The following PKIB variants were observed in gnomAD, a reference collection of about 807,000 sequenced individuals.
PKIB encodes the protein PKI-beta.
A neutral mutation model predicts 4.5 loss-of-function variants in PKIB; 2 were observed. The ratio of observed to expected loss-of-function variants is 0.44; its 90% CI spans 0.18 to 1.39. The LOEUF is 1.39. Among genes scored for constraint, PKIB ranks in the 40% most tolerant of loss-of-function variants. PKIB has a pLI of 0.27. For missense variants in PKIB, 94 were observed against 92.6 expected (o/e 1.02, Z -0.06); for synonymous variants, 38 against 36.0 (o/e 1.06, Z -0.20).
Position 122,677,258 on chromosome 6 carries a change from C to G in PKIB, c.-9+2114C>G, listed in dbSNP as rs183325642. ...GTAAAAAATACACATTTCTAGGGCT[C>G]TATCTTGGAGCTCCTGATTTAGCAG... On this transcript the variant is annotated intron_variant, in intron 3 of 4. Transcript: ENST00000368452. Among the ~76,000 whole-genome samples, 134 of 152,286 alleles carry G rather than the reference C, an allele frequency of 8.8e-4. No individual in the cohort carries two copies. The East Asian group carries it at 0.022, about 25-fold the overall frequency.
At chr6:122,532,684 C>T (rs1399283755) in intron 2 of PKIB, among the ~76,000 whole-genome samples, 3 of 152,136 alleles carry the variant, frequency 2.0e-5, no homozygotes, top group Admixed American at 6.5e-5. Context: ...CATGCTGTAG[C>T]GTGTGTTAAT....
At chr6:122,664,932 A>C (rs1290177050) in intron 2 of PKIB, among the ~76,000 whole-genome samples, 1 of 152,214 alleles carries the variant, frequency 6.6e-6, no homozygotes, top group Non-Finnish European at 1.5e-5. Flanking sequence ...TTTAAAATTC[A>C]AATTTGGACT....
chr6:122,696,659 T>C (rs1023870316), intron 3 of PKIB, among the ~76,000 whole-genome samples: 23 of 152,100 alleles, frequency 1.5e-4, no homozygotes, highest in African/African-American at 5.6e-4. Flanking sequence ...ATGGAGGGCA[T>C]AGAATGATTT....
chr6:122,588,136 C>G (rs1009715633), intron 3 of PKIB, among the ~76,000 whole-genome samples: 5 of 152,084 alleles, frequency 3.3e-5, no homozygotes, highest in Non-Finnish European at 1.5e-5. Flanking sequence ...AGGTTTTCTT[C>G]TATGGTTTTT....
At chr6:122,714,629 C>A (rs895683703) in intron 3 of PKIB, among the ~76,000 whole-genome samples, 1 of 152,076 alleles carries the variant, frequency 6.6e-6, no homozygotes, top group Non-Finnish European at 1.5e-5. Context: ...CTCCAAGGGC[C>A]ACTTTTTAGA....
rs1490060132 is a variant in PKIB at position 122,625,286 on chromosome 6, T to G, written c.-160-7997T>G. On this transcript the variant is annotated intron_variant, in intron 1 of 4. Transcript: ENST00000368452. ...TTCATTCTTCACCTGCTGAGGCTTT[T>G]AGTACTTGAATAAAAAATTTCAGAT... is the stretch of plus-strand genomic sequence containing the variant. 4.6e-5 allele frequency among the ~76,000 whole-genome samples: 7 copies of G among 152,328 alleles called. No homozygotes were observed. The East Asian group carries it at 1.3e-3, about 29-fold the overall frequency.
intron 2 of PKIB, among the ~76,000 whole-genome samples, chr6:122,584,253 A>G (rs1216759162): frequency 2.0e-5 from 3 of 152,152 alleles, no homozygotes; most frequent in Non-Finnish European, 4.4e-5. Flanking sequence ...TTATTGCTAC[A>G]TATTTCACCA....
intron 4 of PKIB, among the ~76,000 whole-genome samples, chr6:122,720,437 A>G (rs540178273): frequency 6.6e-6 from 1 of 152,306 alleles, no homozygotes; most frequent in South Asian, 2.1e-4. Context: ...CAGAATCAAT[A>G]GGACTTGCTG....
At position 122,489,803 on chromosome 6, in the gene PKIB, A is replaced by G. The variant is rs150530927; in HGVS notation, c.-248+11864A>G. ...TTAAGAAGAAAGACATGACAACTCA[A>G]TCCATTCAGTCTTTGTACTAACGGT... On this transcript the variant is annotated intron_variant, in intron 2 of 6. Coordinates refer to the PKIB transcript ENST00000392491. Among the ~76,000 whole-genome samples the G allele has an allele frequency of 6.6e-5, 10 of 152,344 alleles. No homozygotes were observed. The East Asian group carries it at 1.5e-3, about 23-fold the overall frequency.
intron 2 of PKIB, among the ~76,000 whole-genome samples, chr6:122,504,603 A>T (rs979976408): frequency 6.6e-6 from 1 of 152,226 alleles, no homozygotes; most frequent in African/African-American, 2.4e-5. Context: ...GATATTTTCC[A>T]TAGCTTGAAC....
At chr6:122,546,190 A>G (rs773927916) in intron 2 of PKIB, among the ~76,000 whole-genome samples, 2 of 152,060 alleles carry the variant, frequency 1.3e-5, no homozygotes, top group Non-Finnish European at 2.9e-5. Context: ...GGTGGTCAAG[A>G]TAGAAAAGTT....
At chr6:122,663,951 A>G (rs1168910424) in intron 2 of PKIB, among the ~76,000 whole-genome samples, 1 of 152,166 alleles carries the variant, frequency 6.6e-6, no homozygotes, top group Non-Finnish European at 1.5e-5. Flanking sequence ...TTCTACTGAA[A>G]ATTAGTATTT....
intron 2 of PKIB, among the ~76,000 whole-genome samples, chr6:122,495,193 G>A (rs771408496): frequency 2.2e-4 from 34 of 152,086 alleles, no homozygotes; most frequent in African/African-American, 7.5e-4. Flanking sequence ...AATAGACAAG[G>A]TTTAGCACCT....
chr6:122,708,281 A>C (rs1779139952), intron 3 of PKIB, among the ~76,000 whole-genome samples: 1 of 152,156 alleles, frequency 6.6e-6, no homozygotes, highest in Non-Finnish European at 1.5e-5. Flanking sequence ...GGACTCTGTC[A>C]ATATTATCTT....
At chr6:122,583,826 A>G (rs148048938) in intron 2 of PKIB, among the ~76,000 whole-genome samples, 1 of 152,234 alleles carries the variant, frequency 6.6e-6, no homozygotes, top group East Asian at 1.9e-4. Context: ...GACCTCTGAG[A>G]CTAGTGAGAA....
At chr6:122,688,901 C>CT (rs1223667525) in intron 3 of PKIB, among the ~76,000 whole-genome samples, 1 of 151,852 alleles carries the variant, frequency 6.6e-6, no homozygotes, top group Non-Finnish European at 1.5e-5. Flanking sequence ...CTGCCTCAGC[C>CT]TCCCGAGTGG....
At chr6:122,548,776 A>G (rs1161396222) in intron 2 of PKIB, among the ~76,000 whole-genome samples, 1 of 152,240 alleles carries the variant, frequency 6.6e-6, no homozygotes, top group African/African-American at 2.4e-5. Context: ...TTACAAAAGA[A>G]GAGAACACAA....
At chr6:122,544,183 G>A (rs1241464171) in intron 2 of PKIB, among the ~76,000 whole-genome samples, 1 of 151,504 alleles carries the variant, frequency 6.6e-6, no homozygotes, top group Non-Finnish European at 1.5e-5. Flanking sequence ...ATAATCATAA[G>A]GTAAATTTTA....
At chr6:122,528,752 C>T (rs531090797) in intron 2 of PKIB, among the ~76,000 whole-genome samples, 1 of 152,050 alleles carries the variant, frequency 6.6e-6, no homozygotes, top group Non-Finnish European at 1.5e-5. Context: ...ACTAGCTGGG[C>T]ATGGTGGCAC....
Sources: gnomAD v4.1 joint callset for allele counts (sites outside exome capture counted in the v4.1 genomes callset) on GRCh38, gnomAD v4.1.1 for gene constraint, MANE v1.5 for transcripts, NCBI Gene and HGNC (gene_info 2026-07-23, HGNC 2026-07-21) for gene names.